Variants in MEPE observed in about 807,000 individuals in gnomAD.
MEPE encodes the protein matrix, extracellular phosphoglycoprotein with ASARM motif (bone).
MEPE carries 7 observed loss-of-function variants against 7.3 expected under a neutral mutation model. The ratio of observed to expected loss-of-function variants is 0.95; its 90% CI spans 0.54 to 1.79. The LOEUF (loss-of-function observed/expected upper bound fraction) is 1.79. Among genes scored for constraint, MEPE ranks in the 40% most tolerant of loss-of-function variants. The probability of loss-of-function intolerance (pLI) is 0.00; values close to 1 mark genes in which losing one functional copy is unlikely to be tolerated. For synonymous variants in MEPE, 214 were observed against 213.1 expected, an observed-to-expected ratio of 1.00 and a Z score of -0.04; for missense variants, 623 against 628.2, an observed-to-expected ratio of 0.99 and a Z score of 0.09.
chr4:87,825,790 C>A (rs528252838), intron 1 of MEPE, among the ~76,000 whole-genome samples: 1 of 152,154 alleles, frequency 6.6e-6, no homozygotes, highest in Non-Finnish European at 1.5e-5. Flanking sequence ...TGCACAGTAC[C>A]TCCTATCGCC....
chr4:87,829,755 A>G (rs1317395473), upstream of MEPE, among the ~76,000 whole-genome samples: 2 of 152,050 alleles, frequency 1.3e-5, no homozygotes, highest in Non-Finnish European at 2.9e-5. Flanking sequence ...TTCCATTTAG[A>G]AAGCTCTATA....
At chr4:87,837,310 C>G (rs73840162) in intron 2 of MEPE, among the ~76,000 whole-genome samples, 4,496 of 152,186 alleles carry the variant, frequency 0.03, 223 homozygotes, top group African/African-American at 0.1. Flanking sequence ...GCCCCAAACA[C>G]GGAGAGTAGA....
At chr4:87,821,971 G>C (rs1030938153) in intron 1 of MEPE, among the ~76,000 whole-genome samples, 11 of 152,040 alleles carry the variant, frequency 7.2e-5, no homozygotes, top group Admixed American at 2.6e-4. Context: ...AACCACAAAT[G>C]GCCAACACAG....
At chr4:87,823,195 C>T (rs1722378353) in intron 1 of MEPE, among the ~76,000 whole-genome samples, 1 of 152,204 alleles carries the variant, frequency 6.6e-6, no homozygotes, top group South Asian at 2.1e-4. Flanking sequence ...TGCTCAATGG[C>T]TGCTCACCCA....
At chr4:87,837,486 T>C (rs184181914) in intron 2 of MEPE, among the ~76,000 whole-genome samples, 149 of 152,326 alleles carry the variant, frequency 9.8e-4, no homozygotes, top group African/African-American at 3.5e-3. Flanking sequence ...GCAGGGGCAT[T>C]CCCAATATCT....
At chr4:87,836,340 A>G (rs992296908) in intron 2 of MEPE, among the ~76,000 whole-genome samples, 1 of 152,160 alleles carries the variant, frequency 6.6e-6, no homozygotes, top group Non-Finnish European at 1.5e-5. Flanking sequence ...GACTAGAAAG[A>G]CTTTGTTATA....
In MEPE at chr4:87,839,985, C is replaced by T. The variant is rs759781070; in HGVS notation, c.108+1300C>T. The T allele has an allele frequency of 2.0e-6, 3 of 1,535,478 alleles. No individual in the cohort carries two copies. In the South Asian group the frequency reaches 3.6e-5, roughly 18 times the overall value. On this transcript the variant is annotated intron_variant, in intron 3 of 3. Coordinates refer to ENST00000361056, the MANE Select transcript of MEPE (RefSeq NM_020203.6). ...TCCCAGAATCTTCCTGATCCCCATC[C>T]CATGCCTCGGCCCACATCTCGCTCT...
upstream of MEPE, among the ~76,000 whole-genome samples, chr4:87,830,705 C>T (rs1722574939): frequency 6.6e-6 from 1 of 151,888 alleles, no homozygotes. Flanking sequence ...TGTAATGAAC[C>T]TTCACATGTA....
At position 87,845,587 on chromosome 4, in the gene MEPE, G is replaced by T; in HGVS notation, c.719G>T (p.Gly240Val). Reference sequence around the variant, plus strand: ...ATCCCCAGTGATTTTGAAGGCAGCGGTTATACAGATCTTCAAGAGAGAGGG... The same window carrying T: ...ATCCCCAGTGATTTTGAAGGCAGCGTTTATACAGATCTTCAAGAGAGAGGG... ...KKIPSDFEGS[G>V]YTDLQERGDN... Residue 240 changes from glycine (G) to valine (V), a missense_variant, in exon 4 of 4, where the codon GGT becomes GTT. Coordinates refer to ENST00000361056, the MANE Select transcript of MEPE (RefSeq NM_020203.6). 2 of 1,613,538 alleles carry T rather than the reference G, an allele frequency of 1.2e-6. No homozygotes were observed. The highest frequency in any genetic ancestry group is 1.7e-6 in the Non-Finnish European group (2 of 1,179,864).
chr4:87,838,225 A>G (rs955453367), intron 2 of MEPE, among the ~76,000 whole-genome samples: 1 of 152,160 alleles, frequency 6.6e-6, no homozygotes. Flanking sequence ...CACAATTTAA[A>G]TCGTCAAACT....
At chr4:87,842,017 A>C (rs1723033904) in intron 3 of MEPE, among the ~76,000 whole-genome samples, 1 of 152,208 alleles carries the variant, frequency 6.6e-6, no homozygotes, top group Non-Finnish European at 1.5e-5. Flanking sequence ...TCTCCCCAAA[A>C]TACTGAAAGG....
intron 1 of MEPE, among the ~76,000 whole-genome samples, chr4:87,821,723 A>G (rs368749945): frequency 6.6e-6 from 1 of 152,168 alleles, no homozygotes; most frequent in Non-Finnish European, 1.5e-5. Context: ...TGACAGTACC[A>G]TCTGGCTCCT....
At position 87,846,500 on chromosome 4, in the gene MEPE, T is replaced by G. The variant is rs1209246647; in HGVS notation, c.*54T>G. The G allele has an allele frequency of 6.4e-7, 1 of 1,558,500 alleles. No individual in the cohort carries two copies. Among genetic ancestry groups the G allele is most frequent in the Non-Finnish European group, 8.7e-7 (1 of 1,154,656 alleles). ...GTCTGAAGACCTCGTCACCTGTGAGTTGATGTAGAGGAGAGCCACCTGACA... is the reference window on the plus strand; with the variant it reads ...GTCTGAAGACCTCGTCACCTGTGAGGTGATGTAGAGGAGAGCCACCTGACA... On this transcript the variant is annotated 3_prime_UTR_variant, in exon 4 of 4. Transcript: ENST00000361056.
rs1560539835 is a variant in MEPE, at chr4:87,839,901, CTT to C, written c.108+1219_108+1220del. On this transcript the variant is annotated intron_variant, in intron 3 of 3. Coordinates refer to ENST00000361056, the MANE Select transcript of MEPE (RefSeq NM_020203.6). ...TGGGGTTTCTGTCTTATGGCTGGCA[CTT>C]TTGTCCCTTCCCTCCCTCCCCAGGC... The C allele has an allele frequency of 3.9e-6, 6 of 1,539,144 alleles. No individual in the cohort carries two copies. In the Admixed American group the frequency reaches 1.2e-4, roughly 30 times the overall value.
intron 2 of MEPE, 26 bp downstream of exon 2, chr4:87,834,794 T>A: frequency 6.3e-7 from 1 of 1,590,232 alleles, no homozygotes. Flanking sequence ...TTCAATTATA[T>A]TTCAGATAAT....
intron 3 of MEPE, among the ~76,000 whole-genome samples, chr4:87,843,107 G>T (rs1212431781): frequency 1.3e-5 from 2 of 152,050 alleles, no homozygotes; most frequent in African/African-American, 4.8e-5. Flanking sequence ...AGAAGAAGGG[G>T]TTTTTTTCTT....
intron 1 of MEPE, among the ~76,000 whole-genome samples, chr4:87,823,849 T>C (rs889920200): frequency 2.0e-5 from 3 of 152,180 alleles, no homozygotes; most frequent in African/African-American, 4.8e-5. Flanking sequence ...AAGTAAACCA[T>C]GAAGCAATGA....
intron 1 of MEPE, among the ~76,000 whole-genome samples, chr4:87,822,655 C>T (rs1225374780): frequency 6.6e-6 from 1 of 152,202 alleles, no homozygotes; most frequent in African/African-American, 2.4e-5. Flanking sequence ...GTAGGTCGTT[C>T]TGCTACTGAG....
chr4:87,836,286 T>C (rs1213877429), intron 2 of MEPE, among the ~76,000 whole-genome samples: 3 of 151,976 alleles, frequency 2.0e-5, no homozygotes, highest in African/African-American at 7.2e-5. Flanking sequence ...AATGAATGTT[T>C]ATTAGGCTAT....
Sources: gnomAD v4.1 joint callset for allele counts (sites outside exome capture counted in the v4.1 genomes callset) on GRCh38, gnomAD v4.1.1 for gene constraint, MANE v1.5 for transcripts, NCBI Gene and HGNC (gene_info 2026-07-23, HGNC 2026-07-21) for gene names.